The following RORA variants were observed in gnomAD, a reference collection of about 807,000 sequenced individuals.
RORA encodes the protein nuclear receptor ROR-alpha.
In RORA, 7 loss-of-function variants were observed where a neutral mutation model predicts 69.5. That is an observed-to-expected ratio of 0.10 (90% CI 0.06 to 0.19). The LOEUF (loss-of-function observed/expected upper bound fraction) is 0.19. Among genes scored for constraint, RORA ranks in the 10% least tolerant of loss-of-function variants. RORA has a pLI of 1.00. For missense variants in RORA, 457 were observed against 663.0 expected (o/e 0.69, Z 3.41); for synonymous variants, 261 against 240.8 (o/e 1.08, Z -0.78).
chr15:61,037,221 T>C (rs1824234711), intron 1 of RORA, among the ~76,000 whole-genome samples: 1 of 152,174 alleles, frequency 6.6e-6, no homozygotes, highest in African/African-American at 2.4e-5. Flanking sequence ...GTGCCAGACA[T>C]GTCGTAAGTG....
chr15:61,070,685 A>T (rs1187469643), intron 1 of RORA, among the ~76,000 whole-genome samples: 1 of 152,260 alleles, frequency 6.6e-6, no homozygotes, highest in Non-Finnish European at 1.5e-5. Context: ...AATTTTGTAG[A>T]TGGGTAAACT....
At chr15:61,104,993 G>GCTCCCCCCCC (rs751911711) in intron 1 of RORA, among the ~76,000 whole-genome samples, 29 of 140,812 alleles carry the variant, frequency 2.1e-4, no homozygotes, top group Non-Finnish European at 3.7e-4. Context: ...TGATCATGAG[G>GCTCCCCCCCC]CGCCCCCCCC....
In RORA at chr15:60,925,572, G is replaced by A. The variant is rs181711319; in HGVS notation, c.167-246886C>T. On this transcript the variant is annotated intron_variant, in intron 1 of 10. Coordinates refer to ENST00000335670, the MANE Select transcript of RORA (RefSeq NM_134261.3). ...AGAGGGGAGTCAGGGAATCCCCAGC[G>A]GGGCTGTCATGGAGCTTTGGCCCAG... 2.8e-4 allele frequency among the ~76,000 whole-genome samples: 43 copies of A among 152,324 alleles called. 1 individual carries two copies. The East Asian group carries it at 2.9e-3, about 10-fold the overall frequency.
chr15:61,120,514 A>G lies in RORA; in HGVS notation c.166+108539T>C, dbSNP rs138439439. On this transcript the variant is annotated intron_variant, in intron 1 of 10. Transcript: ENST00000335670. ...GGAGATCGAGACCACCCTGGCTAAC[A>G]CGATGAAACCCCGTCTCTACTAAAA... is the stretch of plus-strand genomic sequence containing the variant. Among the ~76,000 whole-genome samples, 849 of 152,108 alleles carry G rather than the reference A, an allele frequency of 5.6e-3. 9 individuals carry two copies. Among genetic ancestry groups the G allele is most frequent in the African/African-American group, 0.02 (829 of 41,518 alleles).
At chr15:60,915,739 G>A (rs994580748) in intron 1 of RORA, among the ~76,000 whole-genome samples, 1 of 152,148 alleles carries the variant, frequency 6.6e-6, no homozygotes, top group African/African-American at 2.4e-5. Flanking sequence ...AGTGGAAGAG[G>A]AAGCAGCATA....
At chr15:60,984,186 C>T (rs1333810154) in intron 1 of RORA, among the ~76,000 whole-genome samples, 1 of 151,954 alleles carries the variant, frequency 6.6e-6, no homozygotes, top group Non-Finnish European at 1.5e-5. Context: ...ATATAGCACC[C>T]CGATTGAGTA....
At chr15:60,978,823 G>T (rs1314279377) in intron 1 of RORA, among the ~76,000 whole-genome samples, 2 of 152,056 alleles carry the variant, frequency 1.3e-5, no homozygotes, top group Non-Finnish European at 2.9e-5. Flanking sequence ...GACCATACAT[G>T]TATGTATTTC....
intron 1 of RORA, among the ~76,000 whole-genome samples, chr15:60,884,682 G>T (rs1290367056): frequency 6.6e-6 from 1 of 152,160 alleles, no homozygotes; most frequent in Non-Finnish European, 1.5e-5. Flanking sequence ...AAGTGGTCTG[G>T]AGTTTATTGA....
At chr15:60,859,748 A>C (rs2073419363) in intron 1 of RORA, among the ~76,000 whole-genome samples, 1 of 148,770 alleles carries the variant, frequency 6.7e-6, no homozygotes, top group Non-Finnish European at 1.5e-5. Flanking sequence ...TTGTGGCCAC[A>C]CTGAAGACTC....
intron 2 of RORA, among the ~76,000 whole-genome samples, chr15:60,611,091 C>T (rs749773229): frequency 5.3e-5 from 8 of 152,232 alleles, no homozygotes; most frequent in Non-Finnish European, 1.0e-4. Context: ...TAAGTAGGGA[C>T]AAGTTAAAGG....
chr15:61,225,501 T>C (rs1438016692), intron 1 of RORA, among the ~76,000 whole-genome samples: 2 of 152,208 alleles, frequency 1.3e-5, no homozygotes, highest in African/African-American at 2.4e-5. Flanking sequence ...CAGGCCCTGT[T>C]AACTGATTTT....
intron 1 of RORA, among the ~76,000 whole-genome samples, chr15:60,812,295 G>C (rs2072755271): frequency 6.6e-6 from 1 of 152,158 alleles, no homozygotes; most frequent in Non-Finnish European, 1.5e-5. Context: ...CTTAAGCCCA[G>C]GAGTTTGAGA....
rs1382832984 is a variant in RORA, at chr15:61,147,849, A to G, written c.166+81204T>C. Among the ~76,000 whole-genome samples, 1 of 151,360 alleles carries G rather than the reference A, an allele frequency of 6.6e-6. No individual in the cohort carries two copies. Among genetic ancestry groups the G allele is most frequent in the Non-Finnish European group, 1.5e-5 (1 of 67,860 alleles). ...TTCACTGTATAAGCCCAACCTGTTC[A>G]CTGTGTATCATGCAGAGGAAACAGG... On this transcript the variant is annotated intron_variant, in intron 1 of 10. Transcript: ENST00000335670. The surrounding 1 kb of genome is among the most constrained non-coding windows in gnomAD (Gnocchi z 4.1).
intron 1 of RORA, among the ~76,000 whole-genome samples, chr15:60,886,611 T>C (rs1300166675): frequency 3.3e-5 from 5 of 152,208 alleles, no homozygotes; most frequent in Admixed American, 2.6e-4. Flanking sequence ...AACCCATTTG[T>C]TTACTCAATA....
chr15:61,220,667 G>A (rs920342613), intron 1 of RORA, among the ~76,000 whole-genome samples: 10 of 152,116 alleles, frequency 6.6e-5, no homozygotes, highest in African/African-American at 2.4e-4. Flanking sequence ...TACACCCTAG[G>A]AAAGCAGCTC....
chr15:60,783,777 C>G (rs2072296264), intron 1 of RORA, among the ~76,000 whole-genome samples: 1 of 152,194 alleles, frequency 6.6e-6, no homozygotes, highest in South Asian at 2.1e-4. Context: ...CCTGGAAGTA[C>G]CTCCAGTAAG....
At chr15:60,703,683 G>C (rs552462970) in intron 1 of RORA, among the ~76,000 whole-genome samples, 3 of 152,276 alleles carry the variant, frequency 2.0e-5, no homozygotes, top group South Asian at 4.1e-4. Context: ...CAGGGACTGA[G>C]AAGGTGCCAG....
chr15:61,158,142 C>T (rs2079461980), intron 1 of RORA, among the ~76,000 whole-genome samples: 1 of 152,190 alleles, frequency 6.6e-6, no homozygotes, highest in Admixed American at 6.5e-5. Flanking sequence ...CAGACTTGGA[C>T]GCCAAGTCCT....
At chr15:60,824,004 T>C (rs187772180) in intron 1 of RORA, among the ~76,000 whole-genome samples, 4 of 152,284 alleles carry the variant, frequency 2.6e-5, no homozygotes, top group Admixed American at 2.0e-4. Flanking sequence ...GTGGAGCTTA[T>C]TGAAGTAGAA....
Sources: allele counts gnomAD v4.1 joint callset (sites outside exome capture counted in the v4.1 genomes callset), GRCh38; gene constraint gnomAD v4.1.1; non-coding constraint Gnocchi (gnomAD v3.1); transcripts MANE v1.5; gene names NCBI Gene and HGNC (gene_info 2026-07-23, HGNC 2026-07-21).